Variants in PCDHGA1 observed in about 807,000 individuals in gnomAD.
The protein encoded by PCDHGA1 is protocadherin gamma-A1.
In PCDHGA1, 32 loss-of-function variants were observed where a neutral mutation model predicts 58.0. That is an observed-to-expected ratio of 0.55 (90% CI 0.42 to 0.74). The LOEUF (loss-of-function observed/expected upper bound fraction) is 0.74. Among genes scored for constraint, PCDHGA1 ranks in the 30% least tolerant of loss-of-function variants. The pLI, the probability that PCDHGA1 is intolerant of heterozygous loss-of-function variation, is 0.00. For missense variants in PCDHGA1, 1,205 were observed against 1,182.3 expected (o/e 1.02, Z -0.28); for synonymous variants, 498 against 501.1 (o/e 0.99, Z 0.08).
intron 1 of PCDHGA1, chr5:141,415,740 G>GTTTTTTTTTTTTTGTTT (rs2095912299): frequency 1.9e-6 from 1 of 515,998 alleles, no homozygotes; most frequent in Non-Finnish European, 2.6e-6. Context: ...GTTTATTAAG[G>GTTTTTTTTTTTTTGTTT]TTTTTTTTTT....
intron 3 of PCDHGA1, chr5:141,507,213 G>C (rs1016967764): frequency 6.6e-6 from 1 of 152,558 alleles, no homozygotes; most frequent in African/African-American, 2.4e-5. Context: ...AGGGTTGCCA[G>C]ATAAAATACA....
rs527250082 is a variant in PCDHGA1 at position 141,371,292 on chromosome 5, G to A, written c.2421+38187G>A. 2.0e-5 allele frequency: 33 copies of A among 1,613,858 alleles called. No individual in the cohort carries two copies. The highest frequency in any genetic ancestry group is 1.6e-4 in the Middle Eastern group (1 of 6,084). On this transcript the variant is annotated intron_variant, in intron 1 of 3. Transcript: ENST00000517417. ...GTTCAAGCTGGACAGTAAAACGGGG[G>A]AACTCACCACTATTGGAGAACTGGA...
intron 1 of PCDHGA1, chr5:141,421,256 G>A (rs1205670837): frequency 1.2e-6 from 2 of 1,607,696 alleles, no homozygotes; most frequent in African/African-American, 1.3e-5. Flanking sequence ...CGCGGGGACC[G>A]CAGTCGGCTG....
intron 1 of PCDHGA1, chr5:141,388,314 G>C: frequency 6.2e-7 from 1 of 1,613,824 alleles, no homozygotes; most frequent in Non-Finnish European, 8.5e-7. Context: ...GCAAATAAGT[G>C]AGTCTGCACA....
rs573137440 is a variant in PCDHGA1 at position 141,365,509 on chromosome 5, A to G, written c.2421+32404A>G. 14 of 1,613,912 alleles carry G rather than the reference A, an allele frequency of 8.7e-6. No individual in the cohort carries two copies. The East Asian group carries it at 2.9e-4, about 33-fold the overall frequency. On this transcript the variant is annotated intron_variant, in intron 1 of 3. Transcript: ENST00000517417. ...CTATTCCTAGGAATTTGCCTTTTAA[A>G]TTGGAGAAGTCAGTTGATAATTACT...
intron 1 of PCDHGA1, among the ~76,000 whole-genome samples, chr5:141,473,057 A>G (rs2099313037): frequency 2.6e-5 from 4 of 152,056 alleles, no homozygotes; most frequent in Non-Finnish European, 5.9e-5. Flanking sequence ...AAGTGATACA[A>G]CAAGTTACAG....
chr5:141,332,091 C>T lies in PCDHGA1; in HGVS notation c.1407C>T (p.Ala469=), dbSNP rs1056155977. 4 of 1,614,182 alleles carry T rather than the reference C, an allele frequency of 2.5e-6. No homozygotes were observed. In the African/African-American group the frequency reaches 5.3e-5, roughly 22 times the overall value. ...TTCCCGAAAACAACCCCAGAGGAGC[C>T]TCCATCTTCTCTGTGAGGGCCCACG... ...AYIPENNPRG[A]SIFSVRAHDL... is the part of the protein sequence containing the mutation. The change falls in exon 1 of 4, where the codon GCC becomes GCT. Residue 469 remains alanine, a synonymous_variant. Transcript: ENST00000517417. This position sits in a 1 kb window ranked among gnomAD's most constrained non-coding sequence, Gnocchi z 4.6.
rs200868391 is a variant in PCDHGA1 at position 141,415,586 on chromosome 5, C to T, written c.2422-79221C>T. 540 of 1,613,746 alleles carry T rather than the reference C, an allele frequency of 3.3e-4. No individual in the cohort carries two copies. Among genetic ancestry groups the T allele is most frequent in the Non-Finnish European group, 4.5e-4 (527 of 1,179,996 alleles). ...TCTTTGTTAGATGATTCGAAGTTTCCTATAGAGGATACCCCATTGGTTCCA... is the reference window on the plus strand; with the variant it reads ...TCTTTGTTAGATGATTCGAAGTTTCTTATAGAGGATACCCCATTGGTTCCA... On this transcript the variant is annotated intron_variant, in intron 1 of 3. Coordinates refer to ENST00000517417, the MANE Select transcript of PCDHGA1 (RefSeq NM_018912.3).
intron 1 of PCDHGA1, chr5:141,383,586 G>A (rs1483422462): frequency 6.2e-7 from 1 of 1,613,654 alleles, no homozygotes; most frequent in Admixed American, 1.7e-5. Flanking sequence ...CCCACATCCA[G>A]GTGACAGTGG....
intron 1 of PCDHGA1, among the ~76,000 whole-genome samples, chr5:141,438,579 CATACATACATACATATATATAT>C (rs1356926315): frequency 3.6e-5 from 2 of 55,782 alleles, no homozygotes; most frequent in Non-Finnish European, 6.0e-5. Context: ...GATATACATA[CATACATACATACATATATATAT>C]ATATATATAT....
intron 3 of PCDHGA1, among the ~76,000 whole-genome samples, chr5:141,508,989 G>A (rs900798347): frequency 1.3e-5 from 2 of 152,110 alleles, no homozygotes; most frequent in Non-Finnish European, 2.9e-5. Flanking sequence ...GGGGCCAGCT[G>A]GGGTAGGAGA....
intron 1 of PCDHGA1, chr5:141,400,120 C>T: frequency 1.2e-6 from 2 of 1,614,076 alleles, no homozygotes; most frequent in Non-Finnish European, 1.7e-6. Flanking sequence ...TGACAGCTTG[C>T]AGGAGGTGCT....
intron 2 of PCDHGA1, among the ~76,000 whole-genome samples, chr5:141,497,336 A>G (rs558221190): frequency 1.6e-3 from 251 of 152,122 alleles, no homozygotes; most frequent in Non-Finnish European, 2.8e-3. Flanking sequence ...TTCACCATTG[A>G]ACCTGGAAGC....
In PCDHGA1 at chr5:141,357,109, G is replaced by A. The variant is rs1023003199; in HGVS notation, c.2421+24004G>A. The A allele has an allele frequency of 6.2e-7, 1 of 1,613,832 alleles. No homozygotes were observed. The highest frequency in any genetic ancestry group is 8.5e-7 in the Non-Finnish European group (1 of 1,179,948). On this transcript the variant is annotated intron_variant, in intron 1 of 3. Transcript: ENST00000517417. ...CGCACGGGCCCTGCTGGACAGAGAC[G>A]CGCTCAAGCAGAGGCTTGTAGTGGT...
chr5:141,408,933 G>C, intron 1 of PCDHGA1: 1 of 1,613,550 alleles, frequency 6.2e-7, no homozygotes, highest in South Asian at 1.1e-5. Context: ...GTTTTCAGCA[G>C]AGACGAATAT....
chr5:141,376,483 G>C (rs139873493), intron 1 of PCDHGA1: 3 of 1,614,058 alleles, frequency 1.9e-6, no homozygotes, highest in East Asian at 2.2e-5. Context: ...TACTTGAAAC[G>C]AAAGGAGAAC....
At chr5:141,414,916 C>T in intron 1 of PCDHGA1, 2 of 1,614,194 alleles carry the variant, frequency 1.2e-6, no homozygotes, top group Non-Finnish European at 1.7e-6. Context: ...AGGCGTGGAG[C>T]TGGCGCCCCG....
chr5:141,351,809 G>T, intron 1 of PCDHGA1: 2 of 1,613,290 alleles, frequency 1.2e-6, no homozygotes, highest in South Asian at 1.1e-5. Flanking sequence ...GCGCGCCTTC[G>T]ACCACGAGCA....
Position 141,512,574 on chromosome 5 carries a change from C to G in PCDHGA1, c.*1401C>G, listed in dbSNP as rs1429371202. 2 of 152,884 alleles carry G rather than the reference C, an allele frequency of 1.3e-5. No homozygotes were observed. Among genetic ancestry groups the G allele is most frequent in the South Asian group, 2.1e-4 (1 of 4,836 alleles). 9.5% of individuals were successfully genotyped at this position (152,884 alleles called of 1,614,324 possible). On this transcript the variant is annotated 3_prime_UTR_variant, in exon 4 of 4. Transcript: ENST00000517417. ...GTGCATAGACCTTCTTCTCCCACCC[C>G]CTTCTGCCCCTGGGTCCCCGGCCAT...
Sources: allele counts gnomAD v4.1 joint callset (sites outside exome capture counted in the v4.1 genomes callset), GRCh38; gene constraint gnomAD v4.1.1; non-coding constraint Gnocchi (gnomAD v3.1); transcripts MANE v1.5; gene names NCBI Gene and HGNC (gene_info 2026-07-23, HGNC 2026-07-21).